The following FCMR variants were observed in gnomAD, a reference collection of about 807,000 sequenced individuals.
FCMR encodes immunoglobulin mu Fc receptor.
A neutral mutation model predicts 41.6 loss-of-function variants in FCMR; 34 were observed. That is an observed-to-expected ratio of 0.82 (90% confidence interval 0.62 to 1.09). The LOEUF is 1.09. FCMR is among the 50% of genes least tolerant of loss of function. The pLI, the probability that FCMR is intolerant of heterozygous loss-of-function variation, is 0.00. For synonymous variants in FCMR, 209 were observed against 211.8 expected (o/e 0.99, Z 0.12); for missense variants, 496 against 512.5 (o/e 0.97, Z 0.31).
At position 206,905,058 on chromosome 1, in the gene FCMR, C is replaced by T. The variant is rs764057063; in HGVS notation, c.1134G>A (p.Glu378=). The change falls in exon 8 of 8, where the codon GAG becomes GAA. Residue 378 remains glutamate (E), a synonymous_variant. Transcript: ENST00000367091. ...SLYHQPAAMM[E]DSDSDDYINV... ...TGATGTAGTCATCTGAATCACTGTC[C>T]TCCATCATGGCGGCAGGCTGGTGGT... The T allele has an allele frequency of 3.7e-6, 6 of 1,614,102 alleles. No homozygotes were observed. The South Asian group carries it at 4.4e-5, about 12-fold the overall frequency.
chr1:206,920,986 G>A (rs1048448452), intron 1 of FCMR, among the ~76,000 whole-genome samples: 1 of 151,000 alleles, frequency 6.6e-6, no homozygotes, highest in Non-Finnish European at 1.5e-5. Context: ...CTTCAGACAG[G>A]TGAAATAGCT....
At position 206,913,971 on chromosome 1, in the gene FCMR, C is replaced by A; in HGVS notation, c.161G>T (p.Gly54Val). 1.9e-6 allele frequency: 3 copies of A among 1,614,214 alleles called. No homozygotes were observed. Among genetic ancestry groups the A allele is most frequent in the Non-Finnish European group, 2.5e-6 (3 of 1,180,036 alleles). The stretch of plus-strand genomic sequence containing the variant: ...TACCACGGTACCACATGTTCCAGAT[C>A]CAGCCATCTCCCGGCACAGATATAT... ...VRIYLCREMA[G>V]SGTCGTVVST... is the part of the protein sequence containing the mutation. The change falls in exon 2 of 8, where the codon GGA (glycine) becomes GTA (valine). Residue 54 changes from glycine to valine, a missense_variant. Coordinates refer to ENST00000367091, the MANE Select transcript of FCMR (RefSeq NM_005449.5).
At chr1:206,919,630 G>A (rs940070366) in intron 1 of FCMR, among the ~76,000 whole-genome samples, 5 of 152,116 alleles carry the variant, frequency 3.3e-5, no homozygotes, top group African/African-American at 7.2e-5. Flanking sequence ...GGCTTGGGGC[G>A]TGTGCCTCCC....
chr1:206,908,101 G>A (rs1678759787), intron 7 of FCMR: 4 of 1,171,998 alleles, frequency 3.4e-6, no homozygotes, highest in Non-Finnish European at 5.0e-6. Context: ...GAAGTGGAAG[G>A]AGAAGGCCAA....
intron 4 of FCMR, among the ~76,000 whole-genome samples, chr1:206,910,939 C>G (rs1572622419): frequency 2.0e-5 from 3 of 152,290 alleles, no homozygotes; most frequent in Admixed American, 2.0e-4. Context: ...ATGCCTGTTT[C>G]AGACTTTATC....
At position 206,904,004 on chromosome 1, in the gene FCMR, C is replaced by G. The variant is rs987400915; in HGVS notation, c.*1015G>C. 4 of 152,356 alleles carry G rather than the reference C, an allele frequency of 2.6e-5. No homozygotes were observed. The highest frequency in any genetic ancestry group is 9.7e-5 in the African/African-American group (4 of 41,446). The allele number at this position is 152,356 out of a possible 1,614,324, so 9.4% of individuals were successfully genotyped here. ...GCTGAACTTTGTGGTCGACATCAAT[C>G]TAAAGATACAGTGTCTGACTATAAC... On this transcript the variant is annotated 3_prime_UTR_variant, in exon 8 of 8. Transcript: ENST00000367091.
Position 206,912,961 on chromosome 1 carries a change from G to T in FCMR, c.455C>A (p.Ala152Glu). 1.2e-6 allele frequency: 2 copies of T among 1,613,500 alleles called. No homozygotes were observed. The highest frequency in any genetic ancestry group is 1.6e-4 in the Middle Eastern group (1 of 6,062). ...TACGAATTTGGAAGAACTGGCATAT[G>T]CAGGCATCTGGAACAAATAGGGCAG... ...FHLPYLFQMP[A>E]YASSSKFVTR... Residue 152 changes from alanine to glutamate, a missense_variant, in exon 3 of 8, where the codon GCA becomes GAA. Coordinates refer to ENST00000367091, the MANE Select transcript of FCMR (RefSeq NM_005449.5).
chr1:206,904,722 C>T lies in FCMR; in HGVS notation c.*297G>A, dbSNP rs1678543798. 2.8e-6 allele frequency: 1 copy of T among 360,522 alleles called. No individual in the cohort carries two copies. Among genetic ancestry groups the T allele is most frequent in the East Asian group, 5.9e-5 (1 of 16,922 alleles). The allele number at this position is 360,522 out of a possible 1,614,324, so 22.3% of individuals were successfully genotyped here. ...TGTGGTCAAAGACATGGAAGAAACA[C>T]TCTGCAAATCCCACAGTCTGTTCGA... is the stretch of plus-strand genomic sequence containing the variant. On this transcript the variant is annotated 3_prime_UTR_variant, in exon 8 of 8. Transcript: ENST00000367091.
At chr1:206,910,561 C>T (rs577498988) in intron 4 of FCMR, among the ~76,000 whole-genome samples, 2 of 152,048 alleles carry the variant, frequency 1.3e-5, no homozygotes, top group African/African-American at 2.4e-5. Context: ...TGATCTCGAA[C>T]GAGTCTCCTA....
Position 206,913,746 on chromosome 1 carries a change from C to T in FCMR, c.373+13G>A, listed in dbSNP as rs374787432. ...CTGGGTAGTCTGAGCCTCCAATCAG[C>T]GGAGGAACCTACCACTGTGGACATT... On this transcript the variant is annotated intron_variant, in intron 2 of 7. Coordinates refer to ENST00000367091, the MANE Select transcript of FCMR (RefSeq NM_005449.5). 7.7e-5 allele frequency: 124 copies of T among 1,604,360 alleles called. No individual in the cohort carries two copies. The African/African-American group carries it at 8.3e-4, about 11-fold the overall frequency.
In FCMR at chr1:206,911,854, C is replaced by T; in HGVS notation, c.586G>A (p.Val196Ile). The change falls in exon 4 of 8, where the codon GTA becomes ATA. Residue 196 changes from valine to isoleucine, a missense_variant. Transcript: ENST00000367091. Reference protein sequence around the residue: ...HRPRVSRASSVAGDKPRTFLP... With the variant: ...HRPRVSRASSIAGDKPRTFLP... ...AAGGTTCGGGGCTTGTCACCTGCTA[C>T]TGAAGATGCTCTGGACACTCGAGGG... 1 of 1,611,276 alleles carries T rather than the reference C, an allele frequency of 6.2e-7. No individual in the cohort carries two copies. The highest frequency in any genetic ancestry group is 8.5e-7 in the Non-Finnish European group (1 of 1,179,008).
intron 1 of FCMR, among the ~76,000 whole-genome samples, chr1:206,921,611 GTGTC>G (rs1397935644): frequency 1.3e-5 from 2 of 152,152 alleles, no homozygotes; most frequent in African/African-American, 4.8e-5. Flanking sequence ...AAACAGGAGA[GTGTC>G]TGGAGTGGAG....
At chr1:206,922,859 G>GTA (rs1407569252), upstream of FCMR, among the ~76,000 whole-genome samples, 5 of 152,198 alleles carry the variant, frequency 3.3e-5, no homozygotes, top group Admixed American at 1.3e-4. Flanking sequence ...TACTGGCTTG[G>GTA]CACTTTCTAG....
rs1413376362 is a variant in FCMR at position 206,904,089 on chromosome 1, A to T, written c.*930T>A. 6.6e-6 allele frequency: 1 copy of T among 152,346 alleles called. No individual in the cohort carries two copies. The highest frequency in any genetic ancestry group is 1.5e-5 in the Non-Finnish European group (1 of 68,048). The allele number at this position is 152,346 out of a possible 1,614,324, so 9.4% of individuals were successfully genotyped here. A position where few individuals can be genotyped will look rare whatever the true frequency, so the allele number is the denominator to read the frequency against. On this transcript the variant is annotated 3_prime_UTR_variant, in exon 8 of 8. Coordinates refer to ENST00000367091, the MANE Select transcript of FCMR (RefSeq NM_005449.5). ...GGAGGTGGGATATCACTTCCATGAC[A>T]TAAGTGCTATTGCAGAGCCGTGGCC... is the stretch of plus-strand genomic sequence containing the variant.
chr1:206,908,849 T>G (rs764988879), intron 7 of FCMR, among the ~76,000 whole-genome samples: 9 of 152,204 alleles, frequency 5.9e-5, no homozygotes, highest in Non-Finnish European at 1.0e-4. Flanking sequence ...TTCTTAAAGA[T>G]GAACGGATAA....
chr1:206,918,171 C>T (rs779294208), intron 1 of FCMR, among the ~76,000 whole-genome samples: 18 of 152,158 alleles, frequency 1.2e-4, no homozygotes, highest in Non-Finnish European at 1.5e-5. Context: ...TTCCCCTCAT[C>T]CTCTCAGCAG....
rs1251061990 is a variant in FCMR, at chr1:206,905,010, G to A, written c.*9C>T. On this transcript the variant is annotated 3_prime_UTR_variant, in exon 8 of 8. Transcript: ENST00000367091. ...CCGAGCCTGGGGTTGGGGGATAGCT[G>A]GGGAGTTGTCAGGCAGGAACATTGA... 4.3e-6 allele frequency: 7 copies of A among 1,613,600 alleles called. No homozygotes were observed. Among genetic ancestry groups the A allele is most frequent in the Non-Finnish European group, 5.1e-6 (6 of 1,179,878 alleles).
At chr1:206,907,646 G>A in intron 7 of FCMR, 1 of 766,630 alleles carries the variant, frequency 1.3e-6, no homozygotes, top group African/African-American at 1.7e-5. Flanking sequence ...CCTGGTGCTT[G>A]ATGGTGGAGG....
chr1:206,922,537 T>C (rs1361114974), upstream of FCMR, among the ~76,000 whole-genome samples: 1 of 152,350 alleles, frequency 6.6e-6, no homozygotes, highest in Non-Finnish European at 1.5e-5. Context: ...CAGAACACAG[T>C]TCCTGAGGAC....
Sources: gnomAD v4.1 joint callset for allele counts (sites outside exome capture counted in the v4.1 genomes callset) on GRCh38, gnomAD v4.1.1 for gene constraint, MANE v1.5 for transcripts, NCBI Gene and HGNC (gene_info 2026-07-23, HGNC 2026-07-21) for gene names.